The following CTNNA2 variants were observed in gnomAD, a reference collection of about 807,000 sequenced individuals.
CTNNA2 encodes catenin alpha-2.
Under a neutral mutation model 101.0 loss-of-function variants are expected in CTNNA2, and 42 were observed. That is an observed-to-expected ratio of 0.42 (90% CI 0.32 to 0.54). The LOEUF is 0.54. CTNNA2 is among the 20% of genes least tolerant of loss of function. The pLI is 0.14. For synonymous variants in CTNNA2, 450 were observed against 456.4 expected, an observed-to-expected ratio of 0.99 and a Z score of 0.18; for missense variants, 871 against 1,223.1, an observed-to-expected ratio of 0.71 and a Z score of 4.29.
chr2:79,235,286 A>G (rs1488049576), intron 2 of CTNNA2, among the ~76,000 whole-genome samples: 1 of 152,152 alleles, frequency 6.6e-6, no homozygotes, highest in Admixed American at 6.5e-5. Context: ...CAGGCACTGT[A>G]TACTGGCAAA....
chr2:80,626,047 G>A (rs951501943), intron 18 of CTNNA2, among the ~76,000 whole-genome samples: 15 of 151,858 alleles, frequency 9.9e-5, no homozygotes, highest in African/African-American at 3.6e-4. Flanking sequence ...TAACATGGTT[G>A]ATTTCATTTG....
chr2:80,456,423 T>C (rs1332439004), intron 9 of CTNNA2, among the ~76,000 whole-genome samples: 1 of 152,124 alleles, frequency 6.6e-6, no homozygotes, highest in Non-Finnish European at 1.5e-5. Flanking sequence ...TCTCAGTACA[T>C]TTGGGTGGAC....
At chr2:80,030,751 A>T (rs1022638423) in intron 7 of CTNNA2, among the ~76,000 whole-genome samples, 6 of 152,330 alleles carry the variant, frequency 3.9e-5, no homozygotes, top group African/African-American at 1.4e-4. Flanking sequence ...CATTTATAGG[A>T]TATGTAACAG....
intron 7 of CTNNA2, among the ~76,000 whole-genome samples, chr2:80,280,569 G>C (rs1674298887): frequency 6.6e-6 from 1 of 151,844 alleles, no homozygotes. Context: ...ATTTTTTACA[G>C]CCTGATATAG....
intron 14 of CTNNA2, among the ~76,000 whole-genome samples, chr2:80,588,012 T>C (rs1696123982): frequency 6.6e-6 from 1 of 152,226 alleles, no homozygotes. Context: ...ATTTAATCAT[T>C]GGTCCTAGGG....
At chr2:80,338,830 C>A (rs957109799) in intron 7 of CTNNA2, among the ~76,000 whole-genome samples, 2 of 152,054 alleles carry the variant, frequency 1.3e-5, no homozygotes, top group Admixed American at 6.5e-5. Context: ...AGTCACCAGG[C>A]AGGATAGGGG....
At chr2:79,814,242 T>G (rs1677285570) in intron 3 of CTNNA2, among the ~76,000 whole-genome samples, 1 of 152,180 alleles carries the variant, frequency 6.6e-6, no homozygotes, top group Non-Finnish European at 1.5e-5. Flanking sequence ...AAAATATTTT[T>G]TACTTTTTTG....
chr2:80,499,904 T>C (rs1175922772), intron 9 of CTNNA2, among the ~76,000 whole-genome samples: 1 of 151,628 alleles, frequency 6.6e-6, no homozygotes. Flanking sequence ...CTTTTCTTTT[T>C]ACTTTTGTGT....
intron 9 of CTNNA2, among the ~76,000 whole-genome samples, chr2:80,483,860 T>C (rs1686337898): frequency 6.6e-6 from 1 of 152,198 alleles, no homozygotes; most frequent in African/African-American, 2.4e-5. Context: ...TTTAAAGACC[T>C]GTGCAGGGCT....
chr2:80,300,043 A>T (rs994714077), intron 7 of CTNNA2, among the ~76,000 whole-genome samples: 2 of 152,052 alleles, frequency 1.3e-5, no homozygotes, highest in Non-Finnish European at 2.9e-5. Flanking sequence ...CCCTGAGAGA[A>T]TCTTTTTCCT....
chr2:80,046,654 G>A (rs566857306), intron 7 of CTNNA2, among the ~76,000 whole-genome samples: 9 of 152,302 alleles, frequency 5.9e-5, no homozygotes, highest in African/African-American at 1.9e-4. Context: ...ACCTCCAGGC[G>A]ATCAGGAGTG....
chr2:79,507,004 G>A (rs1671427457), intron 5 of CTNNA2, among the ~76,000 whole-genome samples: 2 of 152,130 alleles, frequency 1.3e-5, no homozygotes, highest in Non-Finnish European at 2.9e-5. Flanking sequence ...GTCTCAGAAA[G>A]GGAATCTTGT....
intron 2 of CTNNA2, among the ~76,000 whole-genome samples, chr2:79,655,994 C>T (rs923672751): frequency 6.6e-6 from 1 of 152,068 alleles, no homozygotes; most frequent in Admixed American, 6.6e-5. Context: ...TAAAACTTTT[C>T]TTGAATTTCA....
intron 7 of CTNNA2, among the ~76,000 whole-genome samples, chr2:79,998,092 T>C (rs1692682756): frequency 6.6e-6 from 1 of 152,162 alleles, no homozygotes; most frequent in Non-Finnish European, 1.5e-5. Context: ...TTACATCACT[T>C]GCTACATTAA....
chr2:80,527,667 T>C (rs1340054536), intron 9 of CTNNA2, among the ~76,000 whole-genome samples: 4 of 152,094 alleles, frequency 2.6e-5, no homozygotes, highest in South Asian at 2.1e-4. Flanking sequence ...TTGGGAGTCA[T>C]TGGGAGAGAG....
At chr2:79,719,669 T>G (rs1050225377) in intron 2 of CTNNA2, among the ~76,000 whole-genome samples, 4 of 152,174 alleles carry the variant, frequency 2.6e-5, no homozygotes, top group African/African-American at 9.6e-5. Flanking sequence ...AATTTTTTAA[T>G]ATGTTTGTTG....
chr2:79,494,789 C>CA lies in CTNNA2; in HGVS notation c.-134-10256dup, dbSNP rs770463853. ...ACATTAAAAGCACAAGTGACAAGACCAAAAAAAAACCAGAATTTTTTTCAA... is the reference window on the plus strand; with the variant it reads ...ACATTAAAAGCACAAGTGACAAGACCAAAAAAAAAACCAGAATTTTTTTCAA... On this transcript the variant is annotated intron_variant, in intron 4 of 21. Coordinates refer to the CTNNA2 transcript ENST00000466387. Among the ~76,000 whole-genome samples, 229 of 149,678 alleles carry CA rather than the reference C, an allele frequency of 1.5e-3. 1 individual carries two copies. Among genetic ancestry groups the CA allele is most frequent in the African/African-American group, 3.2e-3 (129 of 40,818 alleles).
At chr2:80,320,824 T>C (rs1312737862) in intron 7 of CTNNA2, among the ~76,000 whole-genome samples, 2 of 152,238 alleles carry the variant, frequency 1.3e-5, no homozygotes, top group African/African-American at 4.8e-5. Flanking sequence ...TTATTTAATG[T>C]TATCTGTATA....
At chr2:79,524,526 TACACACAAACAC>T (rs1279695529) in intron 1 of CTNNA2, 5 of 151,334 alleles carry the variant, frequency 3.3e-5, no homozygotes, top group African/African-American at 1.2e-4. Context: ...ATAGTTTAAA[TACACACAAACAC>T]ACACACACAT....
Sources: gnomAD v4.1 joint callset for allele counts (sites outside exome capture counted in the v4.1 genomes callset) on GRCh38, gnomAD v4.1.1 for gene constraint, MANE v1.5 for transcripts, NCBI Gene and HGNC (gene_info 2026-07-23, HGNC 2026-07-21) for gene names.